Variants in ARFGEF1 observed in about 807,000 individuals in gnomAD.
ARFGEF1 encodes the protein brefeldin A-inhibited guanine nucleotide-exchange protein 1.
ARFGEF1 carries 42 observed loss-of-function variants against 231.0 expected under a neutral mutation model. That is an observed-to-expected ratio of 0.18 (90% CI 0.14 to 0.24). The LOEUF is 0.24. ARFGEF1 is among the 10% of genes least tolerant of loss of function. The pLI, the probability that ARFGEF1 is intolerant of heterozygous loss-of-function variation, is 1.00. For synonymous variants in ARFGEF1, 710 were observed against 732.3 expected (o/e 0.97, Z 0.49); for missense variants, 1,345 against 2,192.0 (o/e 0.61, Z 7.72).
At chr8:67,311,322 C>G (rs1391741023) in intron 1 of ARFGEF1, among the ~76,000 whole-genome samples, 63 of 126,758 alleles carry the variant, frequency 5.0e-4, no homozygotes, top group African/African-American at 1.9e-3. Flanking sequence ...CCAGCTGCCC[C>G]ATCCAGGAGG....
downstream of ARFGEF1, chr8:67,193,477 C>G (rs754465486): frequency 1.2e-6 from 2 of 1,612,992 alleles, no homozygotes; most frequent in Non-Finnish European, 1.7e-6. Context: ...AGCAGTCGTC[C>G]TAATGTAGCA....
chr8:67,193,700 T>G (rs1354373333), downstream of ARFGEF1: 1 of 1,115,742 alleles, frequency 9.0e-7, no homozygotes, highest in Non-Finnish European at 1.3e-6. Flanking sequence ...ATAGATGGAA[T>G]GAGTTTGAAG....
At chr8:67,313,021 CAG>C (rs1314128085) in intron 1 of ARFGEF1, among the ~76,000 whole-genome samples, 1 of 152,158 alleles carries the variant, frequency 6.6e-6, no homozygotes, top group African/African-American at 2.4e-5. Flanking sequence ...GAGGGAACAA[CAG>C]AAAGCAAAAG....
intron 34 of ARFGEF1, among the ~76,000 whole-genome samples, chr8:67,205,904 TA>T (rs1418167355): frequency 1.3e-5 from 2 of 150,818 alleles, no homozygotes; most frequent in Non-Finnish European, 3.0e-5. Flanking sequence ...AAAATTAAAA[TA>T]AAAAAATAGG....
intron 14 of ARFGEF1, among the ~76,000 whole-genome samples, chr8:67,261,169 C>T (rs1349832411): frequency 1.3e-5 from 2 of 152,200 alleles, no homozygotes; most frequent in East Asian, 1.9e-4. Context: ...GATGTAGCTA[C>T]GATCATTTAT....
At chr8:67,189,519 TAA>T (rs1055153847) in intron 5 of ARFGEF1, among the ~76,000 whole-genome samples, 10 of 152,234 alleles carry the variant, frequency 6.6e-5, no homozygotes, top group African/African-American at 1.4e-4. Context: ...TCTTATTCAA[TAA>T]AAGTTATTCC....
At chr8:67,201,684 TTTTG>T in intron 36 of ARFGEF1, 79 bp from the exon 37 acceptor site, 1 of 1,572,382 alleles carries the variant, frequency 6.4e-7, no homozygotes, top group Non-Finnish European at 8.7e-7. Flanking sequence ...TGGAGGCACA[TTTTG>T]TTTGTGCTCA....
Position 67,271,887 on chromosome 8 carries a change from T to C in ARFGEF1, c.1387A>G (p.Ile463Val). The change falls in exon 10 of 39, where the codon ATT becomes GTT. Residue 463 changes from isoleucine (I) to valine (V), a missense_variant. Ile to Val is a conservative substitution (Grantham distance 29, BLOSUM62 3). Around this residue, in one of 14 missense-constraint regions of ARFGEF1, gnomAD observed 141 missense variants for 259.9 expected, o/e 0.54. Transcript: ENST00000262215. ...AAAATAGGTCCTGCATTCTGCAGAA[T>C]GGATAGAAGTAACTGCAATGAAAGA... ...KILSLQLLLS[I>V]LQNAGPIFRT... 1.2e-6 allele frequency: 2 copies of C among 1,613,132 alleles called. No homozygotes were observed. Among genetic ancestry groups the C allele is most frequent in the Non-Finnish European group, 1.7e-6 (2 of 1,179,698 alleles).
chr8:67,181,873 T>C (rs1415026312), intron 5 of ARFGEF1, among the ~76,000 whole-genome samples: 1 of 152,162 alleles, frequency 6.6e-6, no homozygotes, highest in Non-Finnish European at 1.5e-5. Flanking sequence ...GTACTTTCCA[T>C]CTCCATAAAT....
chr8:67,233,050 A>G, intron 22 of ARFGEF1, 105 bp from the exon 23 acceptor site: 1 of 926,500 alleles, frequency 1.1e-6, no homozygotes, highest in Non-Finnish European at 1.7e-6. Flanking sequence ...CTTTCCTAAT[A>G]ACAGAATGCT....
intron 5 of ARFGEF1, among the ~76,000 whole-genome samples, chr8:67,187,875 T>C (rs994977297): frequency 7.9e-5 from 12 of 152,200 alleles, no homozygotes; most frequent in African/African-American, 2.7e-4. Context: ...TTCACAAAAA[T>C]TAACTCAAAG....
intron 34 of ARFGEF1, among the ~76,000 whole-genome samples, chr8:67,207,525 AGTCATGACAAG>A (rs1332513813): frequency 6.6e-6 from 1 of 152,220 alleles, no homozygotes; most frequent in Non-Finnish European, 1.5e-5. Flanking sequence ...GACAAATTTC[AGTCATGACAAG>A]GTCTGACACT....
At chr8:67,219,651 CAG>C in intron 29 of ARFGEF1, 91 bp from the exon 30 acceptor site, 1 of 1,370,794 alleles carries the variant, frequency 7.3e-7, no homozygotes, top group Non-Finnish European at 9.8e-7. Context: ...CAGTTAAAAA[CAG>C]AAAGCTTAAA....
At chr8:67,178,532 C>T (rs1832229188) in intron 5 of ARFGEF1, among the ~76,000 whole-genome samples, 4 of 152,088 alleles carry the variant, frequency 2.6e-5, no homozygotes, top group Admixed American at 6.5e-5. Flanking sequence ...TTTTTTGAAT[C>T]ATGGTGCTGT....
At chr8:67,322,426 T>C (rs568831177) in intron 1 of ARFGEF1, among the ~76,000 whole-genome samples, 3 of 152,226 alleles carry the variant, frequency 2.0e-5, no homozygotes, top group Non-Finnish European at 2.9e-5. Context: ...GCCAGGCATG[T>C]TGGCTCATGC....
intron 3 of ARFGEF1, 112 bp downstream of exon 3, chr8:67,301,112 C>CA: frequency 9.3e-7 from 1 of 1,073,282 alleles, no homozygotes; most frequent in Non-Finnish European, 1.3e-6. Context: ...TTTTTTACCA[C>CA]AAAAAAGAGT....
intron 5 of ARFGEF1, among the ~76,000 whole-genome samples, chr8:67,188,812 G>A (rs1195741649): frequency 2.6e-5 from 4 of 152,188 alleles, no homozygotes; most frequent in Non-Finnish European, 5.9e-5. Flanking sequence ...ACGGCTAAGT[G>A]CCCGGGTTTG....
Position 67,236,364 on chromosome 8 carries a change from AAATATATATATATATATATATATATATAT to A in ARFGEF1, c.3289+1950_3289+1978del, listed in dbSNP as rs1229745868. On this transcript the variant is annotated intron_variant, in intron 22 of 38. Transcript: ENST00000262215. Reference sequence around the variant, plus strand: ...AGATATTAGTTAAAAAAAAAAAAAAAAATATATATATATATATATATATATATATATATATATATATATATATGTATCCA... The same window carrying A: ...AGATATTAGTTAAAAAAAAAAAAAAAATATATATATATATATATGTATCCA... 1.0e-3 allele frequency among the ~76,000 whole-genome samples: 37 copies of A among 36,756 alleles called. 2 individuals are homozygous for A. Among genetic ancestry groups the A allele is most frequent in the African/African-American group, 3.6e-3 (26 of 7,180 alleles). The allele number at this position is 36,756 out of a possible 152,430, so 24.1% of individuals were successfully genotyped here. A position where few individuals can be genotyped will look rare whatever the true frequency, so the allele number is the denominator to read the frequency against.
At chr8:67,312,671 T>C (rs1335511137) in intron 1 of ARFGEF1, among the ~76,000 whole-genome samples, 1 of 152,230 alleles carries the variant, frequency 6.6e-6, no homozygotes, top group Non-Finnish European at 1.5e-5. Context: ...ACTATTCTCC[T>C]CGAGTTTTAA....
Sources: gnomAD v4.1 joint callset for allele counts (sites outside exome capture counted in the v4.1 genomes callset) on GRCh38, gnomAD v4.1.1 for gene constraint, gnomAD v4.1.1 regional missense constraint, MANE v1.5 for transcripts, NCBI Gene and HGNC (gene_info 2026-07-23, HGNC 2026-07-21) for gene names.